The following ATP13A4 variants were observed in gnomAD, a reference collection of about 807,000 sequenced individuals.
ATP13A4 encodes probable cation-transporting ATPase 13A4.
ATP13A4 carries 114 observed loss-of-function variants against 142.5 expected under a neutral mutation model. That is an observed-to-expected ratio of 0.80 (90% CI 0.69 to 0.93). ATP13A4 has a LOEUF of 0.93. ATP13A4 is among the 40% of genes least tolerant of loss of function. The pLI is 0.00. For missense variants in ATP13A4, 1,392 were observed against 1,454.0 expected (o/e 0.96, Z 0.69); for synonymous variants, 488 against 514.8 (o/e 0.95, Z 0.70).
chr3:193,554,992 G>C, upstream of ATP13A4: 1 of 1,422,156 alleles, frequency 7.0e-7, no homozygotes, highest in Middle Eastern at 2.6e-4. Flanking sequence ...CCTCCCACGA[G>C]TCGCCCTCTG....
At chr3:193,474,086 G>A (rs1577000429) in intron 8 of ATP13A4, among the ~76,000 whole-genome samples, 2 of 152,004 alleles carry the variant, frequency 1.3e-5, no homozygotes, top group South Asian at 2.1e-4. Context: ...TTGGGAGGAC[G>A]AGGCGGGTGG....
rs559059062 is a variant in ATP13A4 at position 193,436,197 on chromosome 3, G to T, written c.2673-453C>A. On this transcript the variant is annotated intron_variant, in intron 23 of 29. Transcript: ENST00000342695. The stretch of plus-strand genomic sequence containing the variant: ...TACAGGAGCTTCAGGAGCTTGGCAA[G>T]CATTTGATTCAAATTTCATTTTGGC... Among the ~76,000 whole-genome samples, 2 of 152,308 alleles carry T rather than the reference G, an allele frequency of 1.3e-5. 1 individual carries two copies. The highest frequency in any genetic ancestry group is 4.1e-4 in the South Asian group (2 of 4,826).
intron 1 of ATP13A4, among the ~76,000 whole-genome samples, chr3:193,520,827 A>T (rs1721676270): frequency 6.6e-6 from 1 of 152,202 alleles, no homozygotes; most frequent in Non-Finnish European, 1.5e-5. Context: ...GGGGATCCTG[A>T]GGAACAAAAT....
intron 2 of ATP13A4, among the ~76,000 whole-genome samples, chr3:193,567,820 C>G (rs1577083794): frequency 6.6e-6 from 1 of 152,158 alleles, no homozygotes. Context: ...CTAATTGTCC[C>G]TGGTTCTGTT....
intron 2 of ATP13A4, among the ~76,000 whole-genome samples, chr3:193,573,104 C>A (rs1047565005): frequency 6.7e-6 from 1 of 149,846 alleles, no homozygotes; most frequent in Non-Finnish European, 1.5e-5. Context: ...GGAGGTGGAG[C>A]TTGCAGTGAG....
At chr3:193,473,194 A>G (rs1718720587) in intron 8 of ATP13A4, among the ~76,000 whole-genome samples, 1 of 152,238 alleles carries the variant, frequency 6.6e-6, no homozygotes, top group South Asian at 2.1e-4. Context: ...TGTTGGGGAC[A>G]TATTACAAAA....
chr3:193,450,936 AG>A (rs1237547569), intron 17 of ATP13A4, among the ~76,000 whole-genome samples: 1 of 152,184 alleles, frequency 6.6e-6, no homozygotes, highest in Admixed American at 6.5e-5. Context: ...TGCAGGCAGC[AG>A]CGGTTTTCCT....
chr3:193,524,581 G>C (rs1362829569), intron 1 of ATP13A4, among the ~76,000 whole-genome samples: 1 of 152,202 alleles, frequency 6.6e-6, no homozygotes, highest in Non-Finnish European at 1.5e-5. Context: ...TTACTGCTCA[G>C]TGTAAAGACT....
At chr3:193,514,364 T>C (rs190727822) in intron 2 of ATP13A4, among the ~76,000 whole-genome samples, 4 of 152,328 alleles carry the variant, frequency 2.6e-5, no homozygotes, top group Admixed American at 6.5e-5. Context: ...GTTAGTTTGC[T>C]AAGGATAATG....
chr3:193,404,286 C>T (rs1714387117), intron 29 of ATP13A4: 3 of 364,624 alleles, frequency 8.2e-6, no homozygotes, highest in Admixed American at 6.4e-5. Context: ...GAGAGAGAAA[C>T]TTTGGTGCTC....
intron 5 of ATP13A4, among the ~76,000 whole-genome samples, chr3:193,492,507 T>C (rs1006401663): frequency 2.0e-5 from 3 of 152,204 alleles, no homozygotes; most frequent in South Asian, 2.1e-4. Context: ...TGGTCTAATA[T>C]GTATTTCTTG....
In ATP13A4 at chr3:193,407,215, T is replaced by C. The variant is rs1187122658; in HGVS notation, c.3378+98A>G. 8 of 1,066,878 alleles carry C rather than the reference T, an allele frequency of 7.5e-6. No individual in the cohort carries two copies. The East Asian group carries it at 1.5e-4, about 20-fold the overall frequency. The allele number at this position is 1,066,878 out of a possible 1,614,324, so 66.1% of individuals were successfully genotyped here. ...GGGAGCCCCTGCACTGCTGAGTCCA[T>C]GTCAGCTAAAGTTGTTGTTTTCAGA... On this transcript the variant is annotated intron_variant, in intron 29 of 29. Transcript: ENST00000342695.
intron 14 of ATP13A4, chr3:193,458,831 G>T (rs1232603889): frequency 4.9e-6 from 3 of 611,704 alleles, no homozygotes; most frequent in Non-Finnish European, 8.7e-6. Flanking sequence ...TTTAATATTT[G>T]CCAGGCATAG....
intron 1 of ATP13A4, among the ~76,000 whole-genome samples, chr3:193,586,320 A>T (rs1724669776): frequency 6.6e-6 from 1 of 152,190 alleles, no homozygotes; most frequent in Non-Finnish European, 1.5e-5. Flanking sequence ...TTTGGTGAGC[A>T]GGAGTATTTT....
chr3:193,513,408 T>C lies in ATP13A4; in HGVS notation c.234+1290A>G, dbSNP rs368072120. On this transcript the variant is annotated intron_variant, in intron 2 of 29. Transcript: ENST00000342695. ...ACAATTTGGTTGTCATTCGGGGCCA[T>C]GGGCTGATGCATTCTTATAAACACT... Among the ~76,000 whole-genome samples, 135 of 152,292 alleles carry C rather than the reference T, an allele frequency of 8.9e-4. 3 individuals are homozygous for C. In the South Asian group the frequency reaches 0.027, roughly 31 times the overall value.
intron 2 of ATP13A4, among the ~76,000 whole-genome samples, chr3:193,506,905 A>G (rs770213845): frequency 6.6e-6 from 1 of 152,194 alleles, no homozygotes; most frequent in East Asian, 1.9e-4. Context: ...TCTTTCCTTT[A>G]TAAATTACCC....
At chr3:193,584,535 T>G (rs1724632021) in intron 1 of ATP13A4, among the ~76,000 whole-genome samples, 1 of 152,140 alleles carries the variant, frequency 6.6e-6, no homozygotes, top group South Asian at 2.1e-4. Flanking sequence ...CAAGGCTCTT[T>G]GCCTGTTATG....
chr3:193,476,878 A>G (rs554897468), intron 8 of ATP13A4, among the ~76,000 whole-genome samples: 78 of 152,088 alleles, frequency 5.1e-4, no homozygotes, highest in Non-Finnish European at 9.8e-4. Context: ...AACAATTATC[A>G]TAGTAATATC....
chr3:193,460,806 C>A (rs1398775278), intron 13 of ATP13A4, among the ~76,000 whole-genome samples: 1 of 152,200 alleles, frequency 6.6e-6, no homozygotes, highest in Non-Finnish European at 1.5e-5. Flanking sequence ...TCTATCATTC[C>A]TGTCCACCCA....
Sources: gnomAD v4.1 joint callset for allele counts (sites outside exome capture counted in the v4.1 genomes callset) on GRCh38, gnomAD v4.1.1 for gene constraint, MANE v1.5 for transcripts, NCBI Gene and HGNC (gene_info 2026-07-23, HGNC 2026-07-21) for gene names.